TCF7L1: variants seen among roughly 807,000 people sequenced by gnomAD.
The protein encoded by TCF7L1 is transcription factor 7-like 1.
TCF7L1 carries 18 observed loss-of-function variants against 63.7 expected under a neutral mutation model. The ratio of observed to expected loss-of-function variants is 0.28; its 90% CI spans 0.20 to 0.42. The LOEUF (loss-of-function observed/expected upper bound fraction) is 0.42, where lower values mean the gene tolerates loss of function less well. Ranked by LOEUF, TCF7L1 falls within the 10% of genes least tolerant of loss-of-function variation. The pLI, the probability that TCF7L1 is intolerant of heterozygous loss-of-function variation, is 1.00. For synonymous variants in TCF7L1, 355 were observed against 340.9 expected (o/e 1.04, Z -0.46); for missense variants, 654 against 779.3 (o/e 0.84, Z 1.91).
chr2:85,166,499 C>G (rs1678421321), intron 3 of TCF7L1, among the ~76,000 whole-genome samples: 1 of 152,170 alleles, frequency 6.6e-6, no homozygotes, highest in African/African-American at 2.4e-5. Context: ...CTGACTAGAC[C>G]TGGGTGGCGT....
chr2:85,229,582 G>A (rs1013470635), intron 3 of TCF7L1, among the ~76,000 whole-genome samples: 3 of 152,212 alleles, frequency 2.0e-5, no homozygotes, highest in East Asian at 1.9e-4. Context: ...TCATCACCTC[G>A]TCTGTCTTGA....
At chr2:85,154,652 T>C (rs764716906) in intron 3 of TCF7L1, among the ~76,000 whole-genome samples, 37 of 152,220 alleles carry the variant, frequency 2.4e-4, no homozygotes, top group Admixed American at 1.8e-3. Flanking sequence ...CACATTTCAC[T>C]GTCGGTAAAT....
At chr2:85,170,882 T>G (rs545278302) in intron 3 of TCF7L1, among the ~76,000 whole-genome samples, 44 of 152,320 alleles carry the variant, frequency 2.9e-4, no homozygotes, top group African/African-American at 1.0e-3. Context: ...CCTTGGATTT[T>G]CCTGCCTAGG....
chr2:85,173,688 T>G (rs1678605962), intron 3 of TCF7L1, among the ~76,000 whole-genome samples: 1 of 152,132 alleles, frequency 6.6e-6, no homozygotes, highest in African/African-American at 2.4e-5. Flanking sequence ...GTGCCTGGTT[T>G]AAGCCAGTTT....
At chr2:85,195,950 A>C (rs186989952) in intron 3 of TCF7L1, among the ~76,000 whole-genome samples, 16 of 152,304 alleles carry the variant, frequency 1.1e-4, no homozygotes, top group Admixed American at 1.3e-4. Context: ...GAGATCAGAA[A>C]AAGGATTTCT....
At chr2:85,302,744 G>A in intron 5 of TCF7L1, 128 bp downstream of exon 5, 1 of 1,237,758 alleles carries the variant, frequency 8.1e-7, no homozygotes, top group Non-Finnish European at 1.1e-6. Context: ...GGAGTCTTTG[G>A]ACCTTGTCTG....
chr2:85,261,168 GT>G, intron 3 of TCF7L1, among the ~76,000 whole-genome samples: 1 of 144,846 alleles, frequency 6.9e-6, no homozygotes, highest in South Asian at 2.2e-4. Context: ...GTGTGTGTGT[GT>G]GTGGTATTTC....
chr2:85,150,512 G>A (rs1375872240), intron 3 of TCF7L1, among the ~76,000 whole-genome samples: 2 of 151,854 alleles, frequency 1.3e-5, no homozygotes, highest in African/African-American at 4.8e-5. Flanking sequence ...TATTACAGGC[G>A]TGAGCCACCG....
intron 3 of TCF7L1, among the ~76,000 whole-genome samples, chr2:85,151,596 A>G (rs1678017838): frequency 1.3e-5 from 2 of 152,206 alleles, no homozygotes; most frequent in South Asian, 4.1e-4. Flanking sequence ...TATCAGTTAT[A>G]ATATTTTTAA....
chr2:85,271,879 G>A (rs1681159674), intron 3 of TCF7L1, among the ~76,000 whole-genome samples: 1 of 152,188 alleles, frequency 6.6e-6, no homozygotes, highest in Admixed American at 6.5e-5. Flanking sequence ...TAAGTGAAGG[G>A]TAGACTGGAA....
intron 3 of TCF7L1, among the ~76,000 whole-genome samples, chr2:85,230,314 G>T (rs994585118): frequency 5.9e-5 from 9 of 152,088 alleles, no homozygotes; most frequent in Non-Finnish European, 1.2e-4. Context: ...TCCTAGATTT[G>T]GGCTCATTGA....
intron 3 of TCF7L1, among the ~76,000 whole-genome samples, chr2:85,251,171 G>A (rs1680578220): frequency 6.6e-6 from 1 of 152,160 alleles, no homozygotes; most frequent in South Asian, 2.1e-4. Flanking sequence ...GTTTTTTGCT[G>A]TAACTAATTT....
intron 3 of TCF7L1, among the ~76,000 whole-genome samples, chr2:85,280,752 A>G (rs1483076713): frequency 6.6e-6 from 1 of 152,218 alleles, no homozygotes; most frequent in African/African-American, 2.4e-5. Flanking sequence ...GGGCACCTTC[A>G]GCATCCCTCC....
chr2:85,148,254 C>G (rs1373432773), intron 3 of TCF7L1, among the ~76,000 whole-genome samples: 1 of 152,012 alleles, frequency 6.6e-6, no homozygotes, highest in African/African-American at 2.4e-5. Context: ...TGAGACAGCC[C>G]TTTAATAAGC....
chr2:85,255,604 C>T (rs951687912), intron 3 of TCF7L1, among the ~76,000 whole-genome samples: 2 of 152,194 alleles, frequency 1.3e-5, no homozygotes, highest in Non-Finnish European at 2.9e-5. Flanking sequence ...GAAGCCTAAA[C>T]AGGGTGGGCT....
chr2:85,288,659 C>T (rs904019424), intron 4 of TCF7L1, among the ~76,000 whole-genome samples: 1 of 152,184 alleles, frequency 6.6e-6, no homozygotes, highest in Non-Finnish European at 1.5e-5. Flanking sequence ...CTAAGCAAGT[C>T]ACAACTGGGC....
At chr2:85,234,397 G>A (rs1680152444) in intron 3 of TCF7L1, among the ~76,000 whole-genome samples, 2 of 152,006 alleles carry the variant, frequency 1.3e-5, no homozygotes, top group Non-Finnish European at 2.9e-5. Context: ...GCCTCCCAAA[G>A]TGCTGGGATT....
At chr2:85,160,264 G>A (rs1678255151) in intron 3 of TCF7L1, among the ~76,000 whole-genome samples, 1 of 152,148 alleles carries the variant, frequency 6.6e-6, no homozygotes, top group Non-Finnish European at 1.5e-5. Flanking sequence ...TGGCCGCATT[G>A]TGTGCATCTT....
At chr2:85,284,971 C>G (rs1004807742) in intron 4 of TCF7L1, among the ~76,000 whole-genome samples, 1 of 152,160 alleles carries the variant, frequency 6.6e-6, no homozygotes, top group Non-Finnish European at 1.5e-5. Flanking sequence ...CAGTGGCTCA[C>G]GCCTGTAATC....
Sources: allele counts gnomAD v4.1 joint callset (sites outside exome capture counted in the v4.1 genomes callset), GRCh38; gene constraint gnomAD v4.1.1; transcripts MANE v1.5; gene names NCBI Gene and HGNC (gene_info 2026-07-23, HGNC 2026-07-21).